Variants in STPG4 observed in about 807,000 individuals in gnomAD.
The protein encoded by STPG4 is protein STPG4.
Under a neutral mutation model 31.5 loss-of-function variants are expected in STPG4, and 41 were observed. That is an observed-to-expected ratio of 1.30 (90% confidence interval 1.01 to 1.69). The LOEUF (loss-of-function observed/expected upper bound fraction) is 1.69, where lower values mean the gene tolerates loss of function less well. Among genes scored for constraint, STPG4 ranks in the 40% most tolerant of loss-of-function variants. The pLI is 0.00. For missense variants in STPG4, 375 were observed against 293.4 expected (o/e 1.28, Z -2.03); for synonymous variants, 141 against 103.0 (o/e 1.37, Z -2.24).
At chr2:47,124,545 C>T (rs1686329518) in intron 5 of STPG4, among the ~76,000 whole-genome samples, 1 of 152,130 alleles carries the variant, frequency 6.6e-6, no homozygotes, top group East Asian at 1.9e-4. Flanking sequence ...CCGTGCATGG[C>T]TTATTTCACT....
Position 47,151,239 on chromosome 2 carries a change from T to C in STPG4, c.399+19A>G. 6.2e-7 allele frequency: 1 copy of C among 1,612,500 alleles called. No individual in the cohort carries two copies. The highest frequency in any genetic ancestry group is 8.5e-7 in the Non-Finnish European group (1 of 1,179,018). ...TTAGTAGCTTTCCCACACAAAGCAATCTGCCAGTAGCGCTTTACCTGATCT... is the reference window on the plus strand; with the variant it reads ...TTAGTAGCTTTCCCACACAAAGCAACCTGCCAGTAGCGCTTTACCTGATCT... On this transcript the variant is annotated intron_variant, in intron 3 of 6. Coordinates refer to ENST00000445927, the MANE Select transcript of STPG4 (RefSeq NM_001163561.2).
intron 3 of STPG4, among the ~76,000 whole-genome samples, chr2:47,133,787 C>T (rs917812417): frequency 2.0e-5 from 3 of 151,908 alleles, no homozygotes; most frequent in Middle Eastern, 3.4e-3. Flanking sequence ...ATGTTGGTCA[C>T]GCTGGTCTCA....
rs764548754 is a variant in STPG4, at chr2:47,102,024, G to A, written c.520-11650C>T. Among the ~76,000 whole-genome samples, 13 of 151,994 alleles carry A rather than the reference G, an allele frequency of 8.6e-5. No individual in the cohort carries two copies. In the South Asian group the frequency reaches 1.9e-3, roughly 22 times the overall value. On this transcript the variant is annotated intron_variant, in intron 5 of 6. Coordinates refer to ENST00000445927, the MANE Select transcript of STPG4 (RefSeq NM_001163561.2). ...AGGACAGGCAAGGGTGCAGGTTTTC[G>A]AGAATGCGTAGGTAAGGACCACTAA...
intron 5 of STPG4, among the ~76,000 whole-genome samples, chr2:47,095,211 G>C (rs1321242435): frequency 6.6e-6 from 1 of 152,172 alleles, no homozygotes; most frequent in African/African-American, 2.4e-5. Context: ...CCTCAGTATG[G>C]GACCTGATTT....
At chr2:47,143,681 G>C (rs986399033) in intron 3 of STPG4, among the ~76,000 whole-genome samples, 2 of 151,760 alleles carry the variant, frequency 1.3e-5, no homozygotes, top group African/African-American at 2.4e-5. Context: ...GTAGAGTCAG[G>C]GTTTCACCGT....
chr2:47,151,313 T>G lies in STPG4; in HGVS notation c.344A>C (p.Tyr115Ser). 6.2e-7 allele frequency: 1 copy of G among 1,614,172 alleles called. No homozygotes were observed. Among genetic ancestry groups the G allele is most frequent in the Non-Finnish European group, 8.5e-7 (1 of 1,180,014 alleles). Residue 115 changes from tyrosine to serine, a missense_variant, in exon 3 of 7, where the codon TAC (tyrosine) becomes TCC (serine). Physicochemically the swap from Tyr to Ser is moderately radical, Grantham distance 144. Coordinates refer to ENST00000445927, the MANE Select transcript of STPG4 (RefSeq NM_001163561.2). The stretch of plus-strand genomic sequence containing the variant: ...TGGCCGTGGTTTGTCTTTGAATGAG[T>G]AAGTAGCCACTTGCTTCTTTAACAG... ...LDLLKKQVAT[Y>S]SFKDKPRPSP...
intron 5 of STPG4, among the ~76,000 whole-genome samples, chr2:47,112,811 T>C (rs1169240216): frequency 6.6e-6 from 1 of 152,064 alleles, no homozygotes; most frequent in Non-Finnish European, 1.5e-5. Context: ...AGTACCAGCC[T>C]GGGCAACATA....
chr2:47,150,447 T>C (rs897268801), intron 3 of STPG4, among the ~76,000 whole-genome samples: 29 of 152,188 alleles, frequency 1.9e-4, no homozygotes, highest in African/African-American at 6.3e-4. Flanking sequence ...ACAAATGAAC[T>C]GGTGGAGCTG....
At chr2:47,099,507 G>C (rs893554328) in intron 5 of STPG4, among the ~76,000 whole-genome samples, 1 of 152,284 alleles carries the variant, frequency 6.6e-6, no homozygotes, top group Non-Finnish European at 1.5e-5. Flanking sequence ...GGAATGAAGG[G>C]CATTGAGAAG....
intron 3 of STPG4, among the ~76,000 whole-genome samples, chr2:47,133,749 G>C (rs1441830277): frequency 6.6e-6 from 1 of 151,544 alleles, no homozygotes; most frequent in Non-Finnish European, 1.5e-5. Context: ...GGCTAATTTT[G>C]TATTTTTAGT....
intron 5 of STPG4, among the ~76,000 whole-genome samples, chr2:47,090,682 C>T (rs1454147338): frequency 1.3e-5 from 2 of 152,210 alleles, no homozygotes; most frequent in African/African-American, 2.4e-5. Context: ...TCAGGTCCCC[C>T]GTTCCCTCAC....
chr2:47,138,643 T>G (rs1056451287), intron 3 of STPG4, among the ~76,000 whole-genome samples: 2 of 152,096 alleles, frequency 1.3e-5, no homozygotes, highest in African/African-American at 4.8e-5. Flanking sequence ...TCTGACTCCC[T>G]GGTTCAAGAG....
chr2:47,087,391 T>A (rs189025261), intron 6 of STPG4, among the ~76,000 whole-genome samples: 2 of 152,312 alleles, frequency 1.3e-5, no homozygotes, highest in East Asian at 3.9e-4. Context: ...TAGAACCTGC[T>A]GGGAGAGGCG....
intron 5 of STPG4, among the ~76,000 whole-genome samples, chr2:47,103,497 G>A (rs967323546): frequency 1.3e-5 from 2 of 151,902 alleles, no homozygotes; most frequent in Non-Finnish European, 2.9e-5. Context: ...AAGGAAAAGC[G>A]AGATCAGAGA....
At chr2:47,104,042 C>T (rs1455178495) in intron 5 of STPG4, among the ~76,000 whole-genome samples, 1 of 151,870 alleles carries the variant, frequency 6.6e-6, no homozygotes, top group African/African-American at 2.4e-5. Flanking sequence ...CCTGAAAGTC[C>T]CACACCCTTA....
chr2:47,092,223 T>C (rs895308169), intron 5 of STPG4, among the ~76,000 whole-genome samples: 21 of 145,226 alleles, frequency 1.4e-4, no homozygotes, highest in Non-Finnish European at 3.0e-4. Flanking sequence ...TAAATGACTA[T>C]GGAAATTAGG....
At chr2:47,091,174 G>C (rs943800622) in intron 5 of STPG4, among the ~76,000 whole-genome samples, 1 of 149,714 alleles carries the variant, frequency 6.7e-6, no homozygotes, top group Non-Finnish European at 1.5e-5. Context: ...GGGAGGGAGG[G>C]GAAGGAAGGA....
chr2:47,115,437 G>C (rs1686128676), intron 5 of STPG4, among the ~76,000 whole-genome samples: 1 of 152,056 alleles, frequency 6.6e-6, no homozygotes, highest in African/African-American at 2.4e-5. Context: ...TAATTTTTAT[G>C]AGTTTTTGCA....
In STPG4 at chr2:47,117,319, C is replaced by T. The variant is rs529031784; in HGVS notation, c.519+12622G>A. Among the ~76,000 whole-genome samples the T allele has an allele frequency of 3.9e-5, 6 of 152,306 alleles. No individual in the cohort carries two copies. The South Asian group carries it at 1.2e-3, about 32-fold the overall frequency. ...CCTCCTTCTGGGTTCAAGTGATTCT[C>T]CTGCCTCACCCTCCCGAGTAGCTGG... is the stretch of plus-strand genomic sequence containing the variant. On this transcript the variant is annotated intron_variant, in intron 5 of 6. Coordinates refer to ENST00000445927, the MANE Select transcript of STPG4 (RefSeq NM_001163561.2).
Sources: allele counts gnomAD v4.1 joint callset (sites outside exome capture counted in the v4.1 genomes callset), GRCh38; gene constraint gnomAD v4.1.1; transcripts MANE v1.5; gene names NCBI Gene and HGNC (gene_info 2026-07-23, HGNC 2026-07-21).